EBF3: variants seen among roughly 807,000 people sequenced by gnomAD.
The protein encoded by EBF3 is EBF transcription factor 3.
Under a neutral mutation model 77.1 loss-of-function variants are expected in EBF3, and 18 were observed. The observed-to-expected ratio is 0.23, with a 90% CI of 0.16 to 0.35. The LOEUF is 0.35. Ranked by LOEUF, EBF3 falls within the 10% of genes least tolerant of loss-of-function variation. The pLI is 1.00. For synonymous variants in EBF3, 350 were observed against 343.5 expected (o/e 1.02, Z -0.21); for missense variants, 558 against 860.0 (o/e 0.65, Z 4.39).
chr10:129,852,800 T>C (rs1382493456), intron 10 of EBF3, among the ~76,000 whole-genome samples: 1 of 152,206 alleles, frequency 6.6e-6, no homozygotes, highest in Admixed American at 6.5e-5. Flanking sequence ...CCATCTTAAA[T>C]CCAGTTCCTG....
At chr10:129,913,386 A>G (rs1168306146) in intron 6 of EBF3, among the ~76,000 whole-genome samples, 1 of 152,252 alleles carries the variant, frequency 6.6e-6, no homozygotes, top group African/African-American at 2.4e-5. Flanking sequence ...GACTTTCTGC[A>G]CTCACAGAGC....
At chr10:129,945,365 T>C (rs1251917526) in intron 6 of EBF3, among the ~76,000 whole-genome samples, 1 of 152,304 alleles carries the variant, frequency 6.6e-6, no homozygotes, top group Non-Finnish European at 1.5e-5. Flanking sequence ...CCGATTGCGA[T>C]GGTCTAATCC....
chr10:129,922,608 G>A (rs1856387212), intron 6 of EBF3, among the ~76,000 whole-genome samples: 1 of 152,240 alleles, frequency 6.6e-6, no homozygotes, highest in South Asian at 2.1e-4. Flanking sequence ...TCTCTTCCCG[G>A]CTCTCGCCGT....
At chr10:129,886,318 C>G (rs1853582189) in intron 6 of EBF3, among the ~76,000 whole-genome samples, 1 of 152,240 alleles carries the variant, frequency 6.6e-6, no homozygotes, top group Non-Finnish European at 1.5e-5. Context: ...GGGCGCACAG[C>G]TCTGAGTGGC....
intron 6 of EBF3, among the ~76,000 whole-genome samples, chr10:129,893,900 G>A (rs748183837): frequency 9.2e-5 from 14 of 152,208 alleles, no homozygotes; most frequent in Non-Finnish European, 2.1e-4. Context: ...CCTGGTGGGG[G>A]TGCACGGGGC....
chr10:129,923,870 T>C (rs1252047188), intron 6 of EBF3, among the ~76,000 whole-genome samples: 1 of 152,202 alleles, frequency 6.6e-6, no homozygotes, highest in East Asian at 1.9e-4. Context: ...CAGAATGGAA[T>C]AAACTACTTG....
At chr10:129,873,956 C>T (rs532581413) in intron 7 of EBF3, among the ~76,000 whole-genome samples, 32 of 152,314 alleles carry the variant, frequency 2.1e-4, no homozygotes, top group African/African-American at 4.3e-4. Context: ...GATCTGTTCA[C>T]ATATTGATTA....
At chr10:129,956,002 T>G (rs1859008480) in intron 6 of EBF3, among the ~76,000 whole-genome samples, 1 of 152,216 alleles carries the variant, frequency 6.6e-6, no homozygotes, top group Non-Finnish European at 1.5e-5. Context: ...ATTTTCATAG[T>G]TCGAGTTCTA....
intron 10 of EBF3, among the ~76,000 whole-genome samples, chr10:129,852,516 G>A (rs912908997): frequency 2.0e-5 from 3 of 152,152 alleles, no homozygotes; most frequent in African/African-American, 4.8e-5. Flanking sequence ...TGTGACATAC[G>A]TGGTTGTAGT....
At chr10:129,919,710 T>G (rs1790151269) in intron 6 of EBF3, among the ~76,000 whole-genome samples, 1 of 152,132 alleles carries the variant, frequency 6.6e-6, no homozygotes, top group African/African-American at 2.4e-5. Context: ...TTCAGGGATT[T>G]AAAAATAACA....
In EBF3 at chr10:129,867,768, G is replaced by GT. The variant is rs1554900790; in HGVS notation, c.912+13dup. On this transcript the variant is annotated intron_variant, in intron 9 of 16. Transcript: ENST00000440978. Reference sequence around the variant, plus strand: ...ACAGCAACAGCGCGAAGCTGACCGAGTCCGCGGGCTTACCTCGCTCCACAC... The same window carrying GT: ...ACAGCAACAGCGCGAAGCTGACCGAGTTCCGCGGGCTTACCTCGCTCCACAC... 6.2e-7 allele frequency: 1 copy of GT among 1,613,012 alleles called. No homozygotes were observed. The highest frequency in any genetic ancestry group is 8.5e-7 in the Non-Finnish European group (1 of 1,179,444).
Position 129,949,023 on chromosome 10 carries a change from G to A in EBF3, c.554+8235C>T, listed in dbSNP as rs111475055. Among the ~76,000 whole-genome samples the A allele has an allele frequency of 7.8e-3, 1,183 of 152,352 alleles. 19 individuals carry two copies. The highest frequency in any genetic ancestry group is 0.027 in the African/African-American group (1,115 of 41,586). On this transcript the variant is annotated intron_variant, in intron 6 of 16. Transcript: ENST00000440978. Reference sequence around the variant, plus strand: ...TTCTTACAAAACTTAAGAGGCACTCGTGCAGTGGCTCATGCCTGTAATCCC... The same window carrying A: ...TTCTTACAAAACTTAAGAGGCACTCATGCAGTGGCTCATGCCTGTAATCCC...
chr10:129,847,867 A>AGAT (rs1332846997), intron 11 of EBF3, among the ~76,000 whole-genome samples: 1 of 152,232 alleles, frequency 6.6e-6, no homozygotes, highest in African/African-American at 2.4e-5. Context: ...AAGTCCCTCT[A>AGAT]GATATTAATA....
chr10:129,858,958 A>G (rs1451267423), intron 10 of EBF3, among the ~76,000 whole-genome samples: 1 of 152,232 alleles, frequency 6.6e-6, no homozygotes, highest in African/African-American at 2.4e-5. Flanking sequence ...AAAATCTGCC[A>G]CGGCCTCCTA....
At chr10:129,838,769 T>C (rs568742077) in intron 16 of EBF3, among the ~76,000 whole-genome samples, 12 of 152,390 alleles carry the variant, frequency 7.9e-5, no homozygotes, top group South Asian at 4.1e-4. Flanking sequence ...ATTAATACAT[T>C]TGTTCATGTA....
At chr10:129,945,155 AGAGGGGAGGGGAGAGGAGTGAAGAG>A (rs1477669347) in intron 6 of EBF3, among the ~76,000 whole-genome samples, 21 of 28,586 alleles carry the variant, frequency 7.3e-4, no homozygotes, top group African/African-American at 3.0e-3. Flanking sequence ...GGAGGGGAGA[AGAGGGGAGGGGAGAGGAGTGAAGAG>A]GAGGGGAGGG....
chr10:129,854,802 C>T (rs1851132483), intron 10 of EBF3, among the ~76,000 whole-genome samples: 1 of 152,252 alleles, frequency 6.6e-6, no homozygotes, highest in Non-Finnish European at 1.5e-5. Flanking sequence ...ATTTCAATCA[C>T]AGCACTCGGC....
At chr10:129,858,529 C>T (rs556906567) in intron 10 of EBF3, among the ~76,000 whole-genome samples, 8 of 152,208 alleles carry the variant, frequency 5.3e-5, no homozygotes, top group South Asian at 4.2e-4. Context: ...GTGGGTCTTC[C>T]GAACTAGGGC....
chr10:129,887,625 C>A (rs1853700642), intron 6 of EBF3, among the ~76,000 whole-genome samples: 1 of 152,044 alleles, frequency 6.6e-6, no homozygotes, highest in Non-Finnish European at 1.5e-5. Context: ...CATCTAGGGC[C>A]GCATGGCAAA....
Sources: gnomAD v4.1 joint callset for allele counts (sites outside exome capture counted in the v4.1 genomes callset) on GRCh38, gnomAD v4.1.1 for gene constraint, MANE v1.5 for transcripts, NCBI Gene and HGNC (gene_info 2026-07-23, HGNC 2026-07-21) for gene names.